PABPC4L: variants seen among roughly 807,000 people sequenced by gnomAD.
PABPC4L encodes the protein polyadenylate-binding protein 4-like.
For missense variants in PABPC4L, 452 were observed against 451.4 expected (o/e 1.00, Z -0.01); for synonymous variants, 169 against 164.1 (o/e 1.03, Z -0.23).
chr4:134,068,714 T>C, the PABPC4L span, among the ~76,000 whole-genome samples: 5 of 151,756 alleles, frequency 3.3e-5, no homozygotes, highest in African/African-American at 1.2e-4. Context: ...TTAAGATACA[T>C]CTTTTTTTTT....
the PABPC4L span, among the ~76,000 whole-genome samples, chr4:134,132,866 TA>T: frequency 1.4e-5 from 2 of 147,238 alleles, no homozygotes; most frequent in African/African-American, 4.9e-5. Context: ...GAGATATATA[TA>T]TTATATTTTA....
At chr4:133,996,737 G>A in the PABPC4L span, among the ~76,000 whole-genome samples, 1 of 152,142 alleles carries the variant, frequency 6.6e-6, no homozygotes, top group Admixed American at 6.6e-5. Context: ...AGCCCAGGTA[G>A]GGGACCGCAC....
chr4:134,059,480 T>G, the PABPC4L span, among the ~76,000 whole-genome samples: 2 of 150,590 alleles, frequency 1.3e-5, no homozygotes, highest in South Asian at 2.1e-4. Context: ...TATTTGCAAA[T>G]ACATTTAATT....
the PABPC4L span, among the ~76,000 whole-genome samples, chr4:134,001,013 C>A: frequency 4.6e-5 from 7 of 151,950 alleles, no homozygotes; most frequent in Admixed American, 2.0e-4. Flanking sequence ...CCAATTTGTT[C>A]TATTACTTTG....
At chr4:134,101,279 A>G in the PABPC4L span, among the ~76,000 whole-genome samples, 2 of 151,604 alleles carry the variant, frequency 1.3e-5, no homozygotes, top group African/African-American at 4.8e-5. Flanking sequence ...CAGTATTTGC[A>G]TTTTGAAGTT....
At chr4:134,122,588 A>G in the PABPC4L span, among the ~76,000 whole-genome samples, 1 of 151,860 alleles carries the variant, frequency 6.6e-6, no homozygotes, top group East Asian at 1.9e-4. Context: ...TGCATTCAAA[A>G]TGTTGAAAAG....
At chr4:134,078,183 C>T in the PABPC4L span, among the ~76,000 whole-genome samples, 1 of 152,048 alleles carries the variant, frequency 6.6e-6, no homozygotes, top group African/African-American at 2.4e-5. Flanking sequence ...TATACTATAC[C>T]AAGCACAGAA....
At chr4:134,037,938 A>T in the PABPC4L span, among the ~76,000 whole-genome samples, 3 of 152,154 alleles carry the variant, frequency 2.0e-5, no homozygotes, top group Admixed American at 2.0e-4. Flanking sequence ...TTGCCCATTC[A>T]GTATGATATT....
the PABPC4L span, among the ~76,000 whole-genome samples, chr4:134,003,022 C>A: frequency 6.6e-6 from 1 of 151,972 alleles, no homozygotes; most frequent in South Asian, 2.1e-4. Context: ...GCACCTGCTT[C>A]AGAGGTATAT....
chr4:134,073,750 C>T, the PABPC4L span, among the ~76,000 whole-genome samples: 1 of 152,198 alleles, frequency 6.6e-6, no homozygotes, highest in Admixed American at 6.5e-5. Flanking sequence ...CTAAATTCTT[C>T]ACTTCTGTGA....
At chr4:134,164,242 G>A in the PABPC4L span, among the ~76,000 whole-genome samples, 18 of 116,860 alleles carry the variant, frequency 1.5e-4, no homozygotes, top group Admixed American at 1.9e-3. Flanking sequence ...CAGCCTGGGC[G>A]ACAGAGCGAG....
chr4:134,073,927 G>T, the PABPC4L span, among the ~76,000 whole-genome samples: 1 of 152,136 alleles, frequency 6.6e-6, no homozygotes, highest in African/African-American at 2.4e-5. Flanking sequence ...GGAGCCCTGG[G>T]TGTAGTCCAC....
At chr4:134,056,939 A>G in the PABPC4L span, among the ~76,000 whole-genome samples, 51 of 152,182 alleles carry the variant, frequency 3.4e-4, 1 homozygote, top group South Asian at 0.011. Context: ...CCTGAGCGCC[A>G]TAGATATTCT....
the PABPC4L span, among the ~76,000 whole-genome samples, chr4:134,093,868 C>T: frequency 1.3e-5 from 2 of 151,140 alleles, no homozygotes; most frequent in African/African-American, 4.8e-5. Flanking sequence ...GAAGCAGTTC[C>T]CAGCCTATAT....
the PABPC4L span, among the ~76,000 whole-genome samples, chr4:134,003,106 A>C: frequency 6.6e-6 from 1 of 152,134 alleles, no homozygotes; most frequent in East Asian, 1.9e-4. Flanking sequence ...TAAAATAAAA[A>C]GAAAATTATA....
chr4:133,974,112 C>T, the PABPC4L span, among the ~76,000 whole-genome samples: 2 of 152,180 alleles, frequency 1.3e-5, no homozygotes, highest in Non-Finnish European at 2.9e-5. Context: ...TCAAAAGTTG[C>T]TACAAATTGC....
chr4:134,040,563 T>A, the PABPC4L span, among the ~76,000 whole-genome samples: 1 of 152,140 alleles, frequency 6.6e-6, no homozygotes, highest in South Asian at 2.1e-4. Flanking sequence ...TTACACCTTA[T>A]ACAAAAATTA....
At chr4:134,079,744 G>T in the PABPC4L span, among the ~76,000 whole-genome samples, 16 of 151,640 alleles carry the variant, frequency 1.1e-4, no homozygotes, top group East Asian at 2.9e-3. Context: ...CCAATTAATA[G>T]AAATAGAGAT....
the PABPC4L span, among the ~76,000 whole-genome samples, chr4:134,167,599 T>C: frequency 0.98 from 148,324 of 151,688 alleles, 72,533 homozygotes; most frequent in East Asian, 1. Flanking sequence ...AAACTATATT[T>C]CATGCAAAGG....
Sources: allele counts gnomAD v4.1 joint callset (sites outside exome capture counted in the v4.1 genomes callset), GRCh38; gene constraint gnomAD v4.1.1; transcripts MANE v1.5; gene names NCBI Gene and HGNC (gene_info 2026-07-23, HGNC 2026-07-21).